Variants in SCAF8 observed in about 807,000 individuals in gnomAD.
The protein encoded by SCAF8 is SR-related CTD associated factor 8, also known as SR-related and CTD-associated factor 8.
SCAF8 carries 23 observed loss-of-function variants against 140.5 expected under a neutral mutation model. That is an observed-to-expected ratio of 0.16 (90% CI 0.12 to 0.23). SCAF8 has a LOEUF of 0.23. Among genes scored for constraint, SCAF8 ranks in the 10% least tolerant of loss-of-function variants. The pLI, the probability that SCAF8 is intolerant of heterozygous loss-of-function variation, is 1.00. For missense variants in SCAF8, 1,397 were observed against 1,555.7 expected, an observed-to-expected ratio of 0.90 and a Z score of 1.72; for synonymous variants, 575 against 528.9, an observed-to-expected ratio of 1.09 and a Z score of -1.20.
intron 3 of SCAF8, among the ~76,000 whole-genome samples, chr6:154,785,889 T>C (rs560099676): frequency 6.6e-6 from 1 of 152,302 alleles, no homozygotes; most frequent in Non-Finnish European, 1.5e-5. Context: ...AAATAAGAAA[T>C]TGGAAATTAC....
In SCAF8 at chr6:154,774,002, A is replaced by G. The variant is rs745975203; in HGVS notation, c.44A>G (p.Asn15Ser). ...KTFNSELYSL[N>S]DYKPPISKAK... ...TTTTTTCATCAGTTGTATTCCCTGA[A>G]TGACTATAAACCACCCATTTCGAAA... Residue 15 changes from asparagine to serine, a missense_variant, in exon 2 of 20, where the codon AAT becomes AGT. Physicochemically the swap from Asn to Ser is conservative, Grantham distance 46. Coordinates refer to ENST00000367178, the MANE Select transcript of SCAF8 (RefSeq NM_014892.5). 5 of 1,611,842 alleles carry G rather than the reference A, an allele frequency of 3.1e-6. No homozygotes were observed. Among genetic ancestry groups the G allele is most frequent in the Admixed American group, 3.3e-5 (2 of 59,966 alleles).
In SCAF8 at chr6:154,733,856, C is replaced by G. The variant is rs750021308; in HGVS notation, c.-45C>G. 6.5e-7 allele frequency: 1 copy of G among 1,541,364 alleles called. No homozygotes were observed. The highest frequency in any genetic ancestry group is 1.4e-5 in the African/African-American group (1 of 69,900). On this transcript the variant is annotated 5_prime_UTR_variant, in exon 1 of 20. Transcript: ENST00000367178. The stretch of plus-strand genomic sequence containing the variant: ...CGCTCTCCCCACCCAGTGCAGTGGC[C>G]GCCGCCTCTTCCGCCGCCGGGCTCG...
intron 1 of SCAF8, among the ~76,000 whole-genome samples, chr6:154,766,819 G>C (rs1363250214): frequency 1.3e-5 from 2 of 151,698 alleles, no homozygotes; most frequent in Non-Finnish European, 2.9e-5. Context: ...AGCTTTTTTT[G>C]TGGCAGTGGT....
intron 1 of SCAF8, among the ~76,000 whole-genome samples, chr6:154,751,468 T>G (rs565502077): frequency 6.6e-6 from 1 of 152,230 alleles, no homozygotes; most frequent in South Asian, 2.1e-4. Flanking sequence ...CCTCAGGTGA[T>G]CCACCCACCT....
At chr6:154,813,039 C>CA (rs35659449) in intron 12 of SCAF8, among the ~76,000 whole-genome samples, 2,587 of 138,604 alleles carry the variant, frequency 0.019, 27 homozygotes, top group Non-Finnish European at 0.025. Context: ...TCACTACCGC[C>CA]AAAAAAAAAA....
intron 1 of SCAF8, among the ~76,000 whole-genome samples, chr6:154,767,607 AT>A (rs1433399717): frequency 7.2e-6 from 1 of 138,440 alleles, no homozygotes; most frequent in African/African-American, 2.7e-5. Flanking sequence ...TGGCACAGTC[AT>A]AGCTCACAGC....
chr6:154,813,654 A>G (rs1778159671), intron 12 of SCAF8, among the ~76,000 whole-genome samples: 1 of 152,160 alleles, frequency 6.6e-6, no homozygotes, highest in Non-Finnish European at 1.5e-5. Context: ...ATTTTTAAAT[A>G]TGTTACATTG....
intron 2 of SCAF8, among the ~76,000 whole-genome samples, chr6:154,777,707 CTGTT>C (rs982934642): frequency 1.3e-5 from 2 of 152,272 alleles, no homozygotes; most frequent in South Asian, 2.1e-4. Context: ...GTCAACACAA[CTGTT>C]TGTTAAAGTA....
At chr6:154,810,236 G>T (rs774153898) in intron 12 of SCAF8, 28 bp downstream of exon 12, 2 of 1,475,538 alleles carry the variant, frequency 1.4e-6, no homozygotes, top group Admixed American at 2.3e-5. Flanking sequence ...GCAACGCTTT[G>T]GTTTCAATTA....
At chr6:154,825,652 T>A (rs1778544597) in intron 17 of SCAF8, among the ~76,000 whole-genome samples, 1 of 76,730 alleles carries the variant, frequency 1.3e-5, no homozygotes, top group African/African-American at 1.1e-4. Context: ...TGAGACCTTG[T>A]CTCAAAAAAA....
intron 1 of SCAF8, among the ~76,000 whole-genome samples, chr6:154,760,449 CAT>C (rs1263870797): frequency 6.6e-6 from 1 of 152,066 alleles, no homozygotes; most frequent in Admixed American, 6.6e-5. Flanking sequence ...GGAAAATAAA[CAT>C]CACTTCCCTT....
At chr6:154,734,339 C>G (rs947020391) in intron 1 of SCAF8, among the ~76,000 whole-genome samples, 1 of 152,196 alleles carries the variant, frequency 6.6e-6, no homozygotes, top group Admixed American at 6.5e-5. Flanking sequence ...CTTCCCGGGT[C>G]CTCACTGAGG....
intron 12 of SCAF8, among the ~76,000 whole-genome samples, chr6:154,812,292 CTTTTTTTTT>C (rs759236847): frequency 2.6e-5 from 1 of 38,788 alleles, no homozygotes; most frequent in African/African-American, 9.6e-5. Context: ...TCTATGTCAG[CTTTTTTTTT>C]TTTTTTTTTT....
chr6:154,743,848 C>T (rs901369481), intron 1 of SCAF8, among the ~76,000 whole-genome samples: 2 of 151,912 alleles, frequency 1.3e-5, no homozygotes, highest in South Asian at 4.1e-4. Context: ...ATCTTTTTTG[C>T]CCTTCAAGTG....
At chr6:154,781,089 G>A (rs1427242297) in intron 3 of SCAF8, among the ~76,000 whole-genome samples, 1 of 151,842 alleles carries the variant, frequency 6.6e-6, no homozygotes, top group African/African-American at 2.4e-5. Context: ...AGTTTATCTC[G>A]TTGTTTTGCC....
chr6:154,818,445 T>G (rs764399973), intron 13 of SCAF8, 34 bp from the exon 14 acceptor site: 8 of 1,216,718 alleles, frequency 6.6e-6, no homozygotes, highest in Non-Finnish European at 9.5e-6. Context: ...GTTTCTGTTC[T>G]TATACCTTTT....
chr6:154,762,505 C>T (rs1369352753), intron 1 of SCAF8, among the ~76,000 whole-genome samples: 1 of 152,058 alleles, frequency 6.6e-6, no homozygotes, highest in Admixed American at 6.6e-5. Context: ...GTGACTGTCC[C>T]ACCATATTCA....
chr6:154,762,188 G>A (rs1214061516), intron 1 of SCAF8, among the ~76,000 whole-genome samples: 2 of 152,192 alleles, frequency 1.3e-5, no homozygotes, highest in South Asian at 2.1e-4. Flanking sequence ...GCTAAAAACA[G>A]CATGTACTTG....
intron 18 of SCAF8, among the ~76,000 whole-genome samples, chr6:154,829,419 A>AT (rs2114694163): frequency 6.6e-6 from 1 of 152,044 alleles, no homozygotes; most frequent in East Asian, 1.9e-4. Flanking sequence ...CCTTTTAATA[A>AT]TTTTTTCATT....
Sources: gnomAD v4.1 joint callset for allele counts (sites outside exome capture counted in the v4.1 genomes callset) on GRCh38, gnomAD v4.1.1 for gene constraint, MANE v1.5 for transcripts, NCBI Gene and HGNC (gene_info 2026-07-23, HGNC 2026-07-21) for gene names.